Variants in OTOG observed in about 807,000 individuals in gnomAD.
OTOG encodes the protein otogelin.
Under a neutral mutation model 313.8 loss-of-function variants are expected in OTOG, and 296 were observed. The observed-to-expected ratio is 0.94, with a 90% CI of 0.86 to 1.04. The LOEUF is 1.04. OTOG is among the 50% of genes least tolerant of loss of function. The pLI is 0.00. For missense variants in OTOG, 3,948 were observed against 3,840.1 expected (o/e 1.03, Z -0.74); for synonymous variants, 1,533 against 1,554.9 (o/e 0.99, Z 0.33).
rs752174868 is a variant in OTOG, at chr11:17,645,658, C to T, written c.8541+15C>T. On this transcript the variant is annotated intron_variant, in intron 55 of 55. Coordinates refer to ENST00000399397, the MANE Select transcript of OTOG (RefSeq NM_001292063.2). ...GCAGCACCCCTGTGCGTGGTGCCCA[C>T]AAGGCAGTGGGGCAGCAAAAAATGG... is the stretch of plus-strand genomic sequence containing the variant. The T allele has an allele frequency of 4.0e-5, 62 of 1,550,544 alleles. No homozygotes were observed. Among genetic ancestry groups the T allele is most frequent in the Non-Finnish European group, 5.3e-5 (61 of 1,147,000 alleles).
Position 17,558,544 on chromosome 11 carries a change from T to C in OTOG, c.1003T>C (p.Tyr335His), listed in dbSNP as rs1274917777. The C allele has an allele frequency of 6.4e-7, 1 of 1,550,522 alleles. No individual in the cohort carries two copies. The highest frequency in any genetic ancestry group is 8.7e-7 in the Non-Finnish European group (1 of 1,146,998). ...QQNPGTMQGV[Y>H]EQCEALLRPP... ...TCCTGGTCCCTTGCTCTAGGGCGTG[T>C]ACGAGCAGTGTGAGGCTCTACTGCG... The change falls in exon 10 of 56, where the codon TAC becomes CAC. Residue 335 changes from tyrosine (Y) to histidine (H), a missense_variant. By Grantham distance (83) the Tyr-to-His change is moderately conservative. Coordinates refer to ENST00000399397, the MANE Select transcript of OTOG (RefSeq NM_001292063.2).
At chr11:17,559,719 G>A (rs903070175) in intron 12 of OTOG, 57 bp downstream of exon 12, 52 of 1,534,344 alleles carry the variant, frequency 3.4e-5, no homozygotes, top group Middle Eastern at 3.4e-4. Context: ...GGCACAGATG[G>A]CCACGAAACA....
At position 17,574,866 on chromosome 11, in the gene OTOG, C is replaced by A. The variant is rs750689433; in HGVS notation, c.2440C>A (p.Pro814Thr). ...CGAGTGTGTGGAGGGCTGTGCCTGC[C>A]CACCGGACACCTATCTGGACACCCA... ...RDECVEGCACPPDTYLDTQAD... is the reference protein window; with the variant it reads ...RDECVEGCACTPDTYLDTQAD... The change falls in exon 20 of 56, where the codon CCA (proline) becomes ACA (threonine). Residue 814 changes from proline to threonine, a missense_variant. Physicochemically the swap from Pro to Thr is conservative, Grantham distance 38. Coordinates refer to ENST00000399397, the MANE Select transcript of OTOG (RefSeq NM_001292063.2). The A allele has an allele frequency of 1.2e-5, 19 of 1,542,412 alleles. No individual in the cohort carries two copies. The highest frequency in any genetic ancestry group is 1.7e-4 in the Middle Eastern group (1 of 5,978).
intron 31 of OTOG, among the ~76,000 whole-genome samples, chr11:17,600,680 A>G (rs562680191): frequency 2.6e-5 from 4 of 152,174 alleles, no homozygotes; most frequent in South Asian, 2.1e-4. Flanking sequence ...CAGACCTTCA[A>G]TTGGTAAAGG....
intron 15 of OTOG, among the ~76,000 whole-genome samples, chr11:17,563,585 G>T (rs1392050992): frequency 6.6e-6 from 1 of 152,170 alleles, no homozygotes; most frequent in African/African-American, 2.4e-5. Flanking sequence ...CCTGAGGGTG[G>T]CATAAGACAG....
intron 12 of OTOG, 114 bp downstream of exon 12, chr11:17,559,776 G>T: frequency 3.0e-6 from 1 of 329,864 alleles, no homozygotes. Context: ...GGAAAGGAGG[G>T]AGGGAGGGAG....
intron 8 of OTOG, among the ~76,000 whole-genome samples, chr11:17,557,901 C>G (rs1235496657): frequency 2.0e-5 from 3 of 152,170 alleles, no homozygotes; most frequent in African/African-American, 7.2e-5. Context: ...CTTGTTCAGG[C>G]TCACACACCA....
intron 47 of OTOG, among the ~76,000 whole-genome samples, chr11:17,637,263 C>CACT (rs1854289977): frequency 1.3e-5 from 2 of 152,074 alleles, no homozygotes; most frequent in South Asian, 4.2e-4. Context: ...ATTGAACAAT[C>CACT]ACTACCTTTC....
chr11:17,613,553 A>T, intron 38 of OTOG, 59 bp from the exon 39 acceptor site: 1 of 1,399,612 alleles, frequency 7.1e-7, no homozygotes, highest in Non-Finnish European at 9.9e-7. Context: ...GTGCCCACTC[A>T]CTTGGAGGGG....
intron 43 of OTOG, 46 bp downstream of exon 43, chr11:17,633,920 C>T (rs1023949670): frequency 4.7e-6 from 7 of 1,494,496 alleles, no homozygotes; most frequent in Non-Finnish European, 6.2e-6. Flanking sequence ...AAGCCAGCCT[C>T]AGCCTCGCCT....
Position 17,548,024 on chromosome 11 carries a change from C to T in OTOG, c.155+37C>T, listed in dbSNP as rs975811288. On this transcript the variant is annotated intron_variant, in intron 2 of 55. Transcript: ENST00000399397. ...TGAGCTGTGGCGGCCCCACCCACAG[C>T]TCCCATCCGTATTTCTGGCATCAGC... The T allele has an allele frequency of 1.1e-5, 12 of 1,058,702 alleles. No homozygotes were observed. In the East Asian group the frequency reaches 1.9e-4, roughly 17 times the overall value. The allele number at this position is 1,058,702 out of a possible 1,614,324, so 65.6% of individuals were successfully genotyped here.
chr11:17,597,261 AG>A (rs1476305650), intron 30 of OTOG, among the ~76,000 whole-genome samples: 1 of 152,236 alleles, frequency 6.6e-6, no homozygotes, highest in Non-Finnish European at 1.5e-5. Flanking sequence ...TGGAGGAGCC[AG>A]GGTTCATCCC....
chr11:17,571,950 T>A, intron 17 of OTOG, 130 bp from the exon 18 acceptor site: 1 of 1,225,546 alleles, frequency 8.2e-7, no homozygotes, highest in Non-Finnish European at 1.1e-6. Flanking sequence ...TCTGAGTGTG[T>A]GTATATGGAT....
chr11:17,632,168 C>T lies in OTOG; in HGVS notation c.7014C>T (p.Tyr2338=), dbSNP rs559006203. The change falls in exon 42 of 56, where the codon TAC becomes TAT. Residue 2338 remains tyrosine (Y), a synonymous_variant. Transcript: ENST00000399397. ...AGCCCTGCGTGGCCCTGACTGTGTACGTGGCCATGTGCCACAAATTTCATG... is the reference window on the plus strand; with the variant it reads ...AGCCCTGCGTGGCCCTGACTGTGTATGTGGCCATGTGCCACAAATTTCATG... ...VQQPCVALTV[Y]VAMCHKFHVC... is the part of the protein sequence containing the mutation. 9.2e-5 allele frequency: 143 copies of T among 1,551,122 alleles called. No homozygotes were observed. The highest frequency in any genetic ancestry group is 1.1e-4 in the Non-Finnish European group (131 of 1,147,002).
intron 39 of OTOG, among the ~76,000 whole-genome samples, chr11:17,618,913 T>C (rs1182206963): frequency 6.6e-6 from 1 of 152,210 alleles, no homozygotes; most frequent in Non-Finnish European, 1.5e-5. Context: ...CTAATATGTA[T>C]ATCTAAGATG....
At chr11:17,643,541 G>A (rs758162000) in intron 54 of OTOG, 35 bp downstream of exon 54, 75 of 1,247,964 alleles carry the variant, frequency 6.0e-5, no homozygotes, top group Non-Finnish European at 7.2e-5. Flanking sequence ...GGGGTGGGGG[G>A]CTCTGATGGG....
intron 1 of OTOG, 28 bp downstream of exon 1, chr11:17,547,494 C>T (rs1415735633): frequency 5.3e-6 from 7 of 1,324,884 alleles, no homozygotes; most frequent in East Asian, 3.1e-5. Context: ...TCAGGGAGGT[C>T]GGGGGCTCGA....
At chr11:17,552,617 T>TCCCACCTGTCCTGTGTCTCC (rs1851968195) in intron 4 of OTOG, among the ~76,000 whole-genome samples, 3 of 151,310 alleles carry the variant, frequency 2.0e-5, no homozygotes, top group African/African-American at 7.3e-5. Flanking sequence ...ACCTGTCCTC[T>TCCCACCTGTCCTGTGTCTCC]CACATCATGG....
chr11:17,584,708 T>C (rs1852753967), intron 23 of OTOG, among the ~76,000 whole-genome samples: 1 of 152,174 alleles, frequency 6.6e-6, no homozygotes, highest in African/African-American at 2.4e-5. Flanking sequence ...ATATTTTTAG[T>C]AGAGAAGGGG....
Sources: gnomAD v4.1 joint callset for allele counts (sites outside exome capture counted in the v4.1 genomes callset) on GRCh38, gnomAD v4.1.1 for gene constraint, MANE v1.5 for transcripts, NCBI Gene and HGNC (gene_info 2026-07-23, HGNC 2026-07-21) for gene names.